Variants in REXO4 observed in about 807,000 individuals in gnomAD.
REXO4 encodes the protein RNA exonuclease 4.
In REXO4, 29 loss-of-function variants were observed where a neutral mutation model predicts 39.9. The observed-to-expected ratio is 0.73, with a 90% CI of 0.54 to 0.99. The LOEUF (loss-of-function observed/expected upper bound fraction) is 0.99. REXO4 is among the 50% of genes least tolerant of loss of function. The probability of loss-of-function intolerance (pLI) is 0.00; values close to 1 mark genes in which losing one functional copy is unlikely to be tolerated. For synonymous variants in REXO4, 184 were observed against 206.2 expected, an observed-to-expected ratio of 0.89 and a Z score of 0.92; for missense variants, 524 against 546.5, an observed-to-expected ratio of 0.96 and a Z score of 0.41.
At chr9:133,412,674 G>C (rs1477001211) in intron 3 of REXO4, 104 bp downstream of exon 3, 2 of 1,503,256 alleles carry the variant, frequency 1.3e-6, no homozygotes, top group African/African-American at 2.7e-5. Flanking sequence ...GGAGGTGCTT[G>C]CCTCATTCAC....
At chr9:133,413,340 G>A (rs1372108973) in intron 2 of REXO4, among the ~76,000 whole-genome samples, 2 of 152,132 alleles carry the variant, frequency 1.3e-5, no homozygotes, top group Non-Finnish European at 2.9e-5. Context: ...GACCTCAAGT[G>A]ATCCACCTGC....
intron 6 of REXO4, 43 bp from the exon 7 acceptor site, chr9:133,407,924 G>T: frequency 6.6e-7 from 1 of 1,509,584 alleles, no homozygotes; most frequent in Non-Finnish European, 9.2e-7. Context: ...TGCAGGCTCG[G>T]CCCAAAGAGG....
chr9:133,412,487 G>C lies in REXO4; in HGVS notation c.722C>G (p.Thr241Arg), dbSNP rs1554780377. 1 of 1,614,050 alleles carries C rather than the reference G, an allele frequency of 6.2e-7. No homozygotes were observed. Among genetic ancestry groups the C allele is most frequent in the Non-Finnish European group, 8.5e-7 (1 of 1,180,014 alleles). The change falls in exon 4 of 8, where the codon ACA (threonine) becomes AGA (arginine). Residue 241 changes from threonine to arginine, a missense_variant. Physicochemically the swap from Thr to Arg is moderately conservative, Grantham distance 71 (BLOSUM62 -1). Coordinates refer to ENST00000371942, the MANE Select transcript of REXO4 (RefSeq NM_020385.4). The part of the protein sequence containing the change: ...LVKEQAFGGL[T>R]RALALDCEMV... ...CTCACAGTCCAAGGCTAAGGCTCTT[G>C]TCAGGCTGAAGGGTAACCAAAGGCT... is the stretch of plus-strand genomic sequence containing the variant.
chr9:133,411,284 C>A (rs943913093), intron 4 of REXO4, among the ~76,000 whole-genome samples: 1 of 152,186 alleles, frequency 6.6e-6, no homozygotes, highest in Non-Finnish European at 1.5e-5. Context: ...CTGCGAGAAC[C>A]ACCTCTGAGG....
intron 2 of REXO4, 139 bp from the exon 3 acceptor site, chr9:133,413,060 C>A: frequency 1.2e-6 from 1 of 813,668 alleles, no homozygotes; most frequent in Non-Finnish European, 1.9e-6. Flanking sequence ...GACACCCCGA[C>A]TGCTGGCCCT....
In REXO4 at chr9:133,406,762, A is replaced by G. The variant is rs189306311; in HGVS notation, c.*191T>C. 1.2e-5 allele frequency: 10 copies of G among 812,908 alleles called. No homozygotes were observed. The Admixed American group carries it at 2.1e-4, about 17-fold the overall frequency. 50.4% of individuals were successfully genotyped at this position (812,908 alleles called of 1,614,324 possible). A position where few individuals can be genotyped will look rare whatever the true frequency, so the allele number is the denominator to read the frequency against. ...ACCATCCGGGCCCAAACACACATGG[A>G]CAGTAAGACCAGGTTTCAGACCACA... On this transcript the variant is annotated 3_prime_UTR_variant, in exon 8 of 8. Transcript: ENST00000371942.
chr9:133,407,394 G>A (rs957282067), intron 7 of REXO4, among the ~76,000 whole-genome samples: 1 of 152,146 alleles, frequency 6.6e-6, no homozygotes, highest in African/African-American at 2.4e-5. Context: ...GCTGGGCACA[G>A]GGGCACAAGG....
chr9:133,417,933 G>A lies in REXO4; in HGVS notation c.-89C>T, dbSNP rs903645531. The A allele has an allele frequency of 1.0e-5, 13 of 1,302,692 alleles. No individual in the cohort carries two copies. The highest frequency in any genetic ancestry group is 1.3e-5 in the Non-Finnish European group (13 of 963,524). 80.7% of individuals were successfully genotyped at this position (1,302,692 alleles called of 1,614,324 possible). A position where few individuals can be genotyped will look rare whatever the true frequency, so the allele number is the denominator to read the frequency against. ...CCCTGGCAGCACAAGCGCCTGCCCA[G>A]GCCAGGCCGAAACACACCCACCGCA... On this transcript the variant is annotated 5_prime_UTR_variant, in exon 1 of 8. Transcript: ENST00000371942.
chr9:133,412,461 T>A lies in REXO4; in HGVS notation c.748A>T (p.Met250Leu). 1 of 1,614,034 alleles carries A rather than the reference T, an allele frequency of 6.2e-7. No homozygotes were observed. The highest frequency in any genetic ancestry group is 2.2e-5 in the East Asian group (1 of 44,878). The change falls in exon 4 of 8, where the codon ATG becomes TTG. Residue 250 changes from methionine to leucine, a missense_variant. Physicochemically the swap from Met to Leu is conservative, Grantham distance 15. Transcript: ENST00000371942. ...LTRALALDCE[M>L]VGVGPKGEES... ...TCCCCCTTAGGGCCCACGCCCACCATCTCACAGTCCAAGGCTAAGGCTCTT... is the reference window on the plus strand; with the variant it reads ...TCCCCCTTAGGGCCCACGCCCACCAACTCACAGTCCAAGGCTAAGGCTCTT...
At position 133,411,077 on chromosome 9, in the gene REXO4, G is replaced by A; in HGVS notation, c.911-4C>T. On this transcript the variant is annotated splice_polypyrimidine_tract_variant and splice_region_variant and intron_variant, in intron 4 of 7. Coordinates refer to ENST00000371942, the MANE Select transcript of REXO4 (RefSeq NM_020385.4). ...TGAACAACTTCAAGCTCTTCTCCTG[G>A]AAAATCAACACAAAGAAGCGGTTTT... 1.2e-6 allele frequency: 2 copies of A among 1,613,748 alleles called. No homozygotes were observed. Among genetic ancestry groups the A allele is most frequent in the Non-Finnish European group, 1.7e-6 (2 of 1,179,700 alleles).
rs782060169 is a variant in REXO4 at position 133,417,711 on chromosome 9, A to C, written c.134T>G (p.Val45Gly). The C allele has an allele frequency of 2.5e-6, 4 of 1,613,976 alleles. No homozygotes were observed. In the Admixed American group the frequency reaches 5.0e-5, roughly 20 times the overall value. ...KRFWKSKAREVSKKPASGPGA... is the reference protein window; with the variant it reads ...KRFWKSKAREGSKKPASGPGA... ...GGGGCCGCTTGCTGGCTTCTTGCTT[A>C]CTTCCCGCGCCTTGCTTTTCCAAAA... Residue 45 changes from valine to glycine, a missense_variant, in exon 1 of 8, where the codon GTA becomes GGA. By Grantham distance (109) the Val-to-Gly change is moderately radical. Transcript: ENST00000371942.
Position 133,412,500 on chromosome 9 carries a change from G to C in REXO4, c.717-8C>G. On this transcript the variant is annotated splice_polypyrimidine_tract_variant and splice_region_variant and intron_variant, in intron 3 of 7. Transcript: ENST00000371942. ...GCTAAGGCTCTTGTCAGGCTGAAGG[G>C]TAACCAAAGGCTGTAGTTTAATAAA... 6.2e-7 allele frequency: 1 copy of C among 1,613,760 alleles called. No homozygotes were observed. Among genetic ancestry groups the C allele is most frequent in the Non-Finnish European group, 8.5e-7 (1 of 1,179,850 alleles).
chr9:133,408,076 C>T (rs1217379070), intron 6 of REXO4, among the ~76,000 whole-genome samples, 195 bp from the exon 7 acceptor site: 2 of 152,122 alleles, frequency 1.3e-5, no homozygotes, highest in East Asian at 1.9e-4. Flanking sequence ...TGGTGATACA[C>T]CCCTATCAGC....
rs185949405 is a variant in REXO4 at position 133,412,119 on chromosome 9, A to T, written c.910+180T>A. 2.6e-5 allele frequency among the ~76,000 whole-genome samples: 4 copies of T among 151,974 alleles called. No homozygotes were observed. In the East Asian group the frequency reaches 8.0e-4, roughly 30 times the overall value. ...AGGAGGCAATGAAGTGCAAGGCATA[A>T]ATGGGTGTAAAGCCGTCTAAGGATG... On this transcript the variant is annotated intron_variant, in intron 4 of 7. Coordinates refer to ENST00000371942, the MANE Select transcript of REXO4 (RefSeq NM_020385.4).
Position 133,410,845 on chromosome 9 carries a change from G to A in REXO4, c.999+140C>T, listed in dbSNP as rs587639241. The A allele has an allele frequency of 1.6e-4, 106 of 659,972 alleles. 1 individual carries two copies. The highest frequency in any genetic ancestry group is 2.7e-4 in the East Asian group (10 of 36,758). The allele number at this position is 659,972 out of a possible 1,614,324, so 40.9% of individuals were successfully genotyped here. A position where few individuals can be genotyped will look rare whatever the true frequency, so the allele number is the denominator to read the frequency against. ...AAAACACAGTAAGAACTCAGCACGC[G>A]GTATCTGATATTATTACCAAAGTAT... On this transcript the variant is annotated intron_variant, in intron 5 of 7. Coordinates refer to ENST00000371942, the MANE Select transcript of REXO4 (RefSeq NM_020385.4).
At chr9:133,410,958 C>T in intron 5 of REXO4, 27 bp downstream of exon 5, 3 of 1,582,224 alleles carry the variant, frequency 1.9e-6, no homozygotes, top group South Asian at 1.1e-5. Flanking sequence ...CAGGGGCAGG[C>T]TGAGTCCCCA....
At chr9:133,413,382 G>A (rs1452481550) in intron 2 of REXO4, among the ~76,000 whole-genome samples, 1 of 152,176 alleles carries the variant, frequency 6.6e-6, no homozygotes, top group African/African-American at 2.4e-5. Flanking sequence ...GATTACAGGT[G>A]TGAGTCACAG....
At chr9:133,409,737 T>A (rs1475849957) in intron 5 of REXO4, among the ~76,000 whole-genome samples, 1 of 152,120 alleles carries the variant, frequency 6.6e-6, no homozygotes, top group African/African-American at 2.4e-5. Flanking sequence ...AATTTTAAAA[T>A]TTTTTATAGA....
chr9:133,415,787 G>A (rs1839556895), intron 1 of REXO4: 1 of 152,244 alleles, frequency 6.6e-6, no homozygotes, highest in Admixed American at 6.5e-5. Context: ...TTGGGAGAAG[G>A]AAGAAGAGTT....
Sources: gnomAD v4.1 joint callset for allele counts (sites outside exome capture counted in the v4.1 genomes callset) on GRCh38, gnomAD v4.1.1 for gene constraint, MANE v1.5 for transcripts, NCBI Gene and HGNC (gene_info 2026-07-23, HGNC 2026-07-21) for gene names.